NRXN1: variants seen among roughly 807,000 people sequenced by gnomAD.
The protein encoded by NRXN1 is neurexin-1.
Under a neutral mutation model 150.9 loss-of-function variants are expected in NRXN1, and 39 were observed. The observed-to-expected ratio is 0.26, with a 90% confidence interval of 0.20 to 0.34. The LOEUF is 0.34. NRXN1 is among the 10% of genes least tolerant of loss of function. The probability of loss-of-function intolerance (pLI) is 1.00; values close to 1 mark genes in which losing one functional copy is unlikely to be tolerated. For synonymous variants in NRXN1, 924 were observed against 757.0 expected (o/e 1.22, Z -3.62); for missense variants, 1,815 against 1,949.9 (o/e 0.93, Z 1.30).
At chr2:50,221,426 C>G (rs1000287551) in intron 18 of NRXN1, among the ~76,000 whole-genome samples, 4 of 151,856 alleles carry the variant, frequency 2.6e-5, no homozygotes, top group African/African-American at 9.7e-5. Context: ...TTCTTAATGC[C>G]TATTAAACTC....
intron 5 of NRXN1, among the ~76,000 whole-genome samples, chr2:50,823,933 T>C (rs1237377941): frequency 2.0e-5 from 3 of 152,202 alleles, no homozygotes; most frequent in Non-Finnish European, 4.4e-5. Flanking sequence ...TCTCTGTGAA[T>C]GGCAACACTA....
chr2:49,954,617 G>A (rs983009264), intron 21 of NRXN1, among the ~76,000 whole-genome samples: 6 of 152,156 alleles, frequency 3.9e-5, no homozygotes, highest in Non-Finnish European at 5.9e-5. Context: ...ATCTCTAAGT[G>A]TAATTCATGC....
chr2:50,063,220 ATAATGTTCCAAATAAATAGATTTTG>A (rs1217249128), intron 19 of NRXN1, among the ~76,000 whole-genome samples: 1 of 152,206 alleles, frequency 6.6e-6, no homozygotes, highest in East Asian at 1.9e-4. Context: ...CACTTGGCTG[ATAATGTTCCAAATAAATAGATTTTG>A]AATATCGACA....
intron 8 of NRXN1, among the ~76,000 whole-genome samples, chr2:50,596,769 C>T (rs1039816905): frequency 4.6e-5 from 7 of 151,306 alleles, no homozygotes; most frequent in African/African-American, 1.5e-4. Context: ...CTGACATGGA[C>T]ATTCAGTAGG....
intron 3 of NRXN1, among the ~76,000 whole-genome samples, chr2:50,925,305 C>T (rs1686695662): frequency 6.6e-6 from 1 of 151,712 alleles, no homozygotes; most frequent in Admixed American, 6.6e-5. Context: ...CTTCAAAATT[C>T]CTTGACAGAG....
chr2:50,615,776 C>T (rs184091861), intron 8 of NRXN1: 1 of 152,288 alleles, frequency 6.6e-6, no homozygotes, highest in Non-Finnish European at 1.5e-5. Flanking sequence ...GCATCTCAGA[C>T]ACCATGATTT....
chr2:51,002,753 G>T (rs146567051), intron 2 of NRXN1, among the ~76,000 whole-genome samples: 135 of 151,982 alleles, frequency 8.9e-4, no homozygotes, highest in African/African-American at 3.2e-3. Flanking sequence ...CTTAAAAATG[G>T]AATGACGGAA....
At chr2:50,581,880 T>TA (rs1672320622) in intron 8 of NRXN1, among the ~76,000 whole-genome samples, 1 of 152,182 alleles carries the variant, frequency 6.6e-6, no homozygotes. Flanking sequence ...GCCATGTATA[T>TA]AAACTAGGTG....
intron 5 of NRXN1, among the ~76,000 whole-genome samples, chr2:50,793,213 G>C (rs1035766185): frequency 6.6e-6 from 1 of 152,060 alleles, no homozygotes; most frequent in African/African-American, 2.4e-5. Flanking sequence ...TTTCTTAAGA[G>C]TAATGTTAGA....
chr2:50,590,015 G>C (rs1489273551), intron 8 of NRXN1, among the ~76,000 whole-genome samples: 1 of 152,178 alleles, frequency 6.6e-6, no homozygotes. Flanking sequence ...CAAATGAATA[G>C]AATGTATTTA....
chr2:50,154,021 T>C (rs2058858952), intron 18 of NRXN1, among the ~76,000 whole-genome samples: 1 of 151,788 alleles, frequency 6.6e-6, no homozygotes, highest in African/African-American at 2.4e-5. Flanking sequence ...CCATAATTTA[T>C]CATCCAAGTC....
chr2:50,594,515 ATAACT>A (rs1009271104), intron 8 of NRXN1, among the ~76,000 whole-genome samples: 4 of 152,152 alleles, frequency 2.6e-5, no homozygotes, highest in African/African-American at 9.7e-5. Flanking sequence ...AGACCTCCTG[ATAACT>A]TTATTACACA....
intron 16 of NRXN1, 59 bp downstream of exon 16, chr2:50,472,239 C>T (rs568780265): frequency 1.6e-4 from 215 of 1,379,544 alleles, no homozygotes; most frequent in Non-Finnish European, 2.0e-4. Context: ...GTGAGATTCA[C>T]TCTCAGTTAG....
At chr2:50,093,603 C>T (rs534146676) in intron 18 of NRXN1, among the ~76,000 whole-genome samples, 75 of 152,222 alleles carry the variant, frequency 4.9e-4, no homozygotes, top group African/African-American at 1.8e-3. Context: ...CACTGAACTC[C>T]TGCCTGGTTG....
chr2:50,917,292 C>T (rs543819808), intron 5 of NRXN1: 7 of 151,738 alleles, frequency 4.6e-5, no homozygotes, highest in Non-Finnish European at 8.9e-5. Flanking sequence ...AGAATTTATA[C>T]AGAAGAAGAT....
chr2:50,952,897 G>A (rs543861975), intron 2 of NRXN1, among the ~76,000 whole-genome samples: 1 of 152,282 alleles, frequency 6.6e-6, no homozygotes, highest in African/African-American at 2.4e-5. Context: ...CCATCAACCA[G>A]AGCTCAAGCT....
At chr2:50,119,891 C>T (rs1023779532) in intron 18 of NRXN1, among the ~76,000 whole-genome samples, 10 of 152,040 alleles carry the variant, frequency 6.6e-5, no homozygotes, top group Non-Finnish European at 1.5e-4. Flanking sequence ...AAAAGCATTC[C>T]CATAAGTATT....
intron 19 of NRXN1, among the ~76,000 whole-genome samples, chr2:50,059,896 A>G (rs143172066): frequency 0.018 from 2,671 of 152,326 alleles, 81 homozygotes; most frequent in African/African-American, 0.061. Context: ...AAACACCTGA[A>G]TGTCCAGGCA....
intron 18 of NRXN1, among the ~76,000 whole-genome samples, chr2:50,206,092 T>G (rs2062547832): frequency 6.6e-6 from 1 of 152,004 alleles, no homozygotes; most frequent in Non-Finnish European, 1.5e-5. Flanking sequence ...ATAAAACAAA[T>G]GAAAAGTTCA....
Sources: allele counts gnomAD v4.1 joint callset (sites outside exome capture counted in the v4.1 genomes callset), GRCh38; gene constraint gnomAD v4.1.1; transcripts MANE v1.5; gene names NCBI Gene and HGNC (gene_info 2026-07-23, HGNC 2026-07-21).